ME3: variants seen among roughly 807,000 people sequenced by gnomAD.
ME3 encodes NADP-dependent malic enzyme, mitochondrial.
ME3 carries 48 observed loss-of-function variants against 68.9 expected under a neutral mutation model. The observed-to-expected ratio is 0.70, with a 90% confidence interval of 0.55 to 0.89. ME3 has a LOEUF of 0.89. ME3 is among the 40% of genes least tolerant of loss of function. The pLI, the probability that ME3 is intolerant of heterozygous loss-of-function variation, is 0.00. For synonymous variants in ME3, 320 were observed against 318.8 expected (o/e 1.00, Z -0.04); for missense variants, 675 against 797.4 (o/e 0.85, Z 1.85).
chr11:86,651,283 G>C (rs1295451097), intron 2 of ME3, among the ~76,000 whole-genome samples: 1 of 152,202 alleles, frequency 6.6e-6, no homozygotes, highest in Non-Finnish European at 1.5e-5. Flanking sequence ...TCTGAGAATG[G>C]ACAGACTGCC....
chr11:86,594,650 C>A (rs1959188736), intron 2 of ME3, among the ~76,000 whole-genome samples: 1 of 146,024 alleles, frequency 6.8e-6, no homozygotes, highest in Non-Finnish European at 1.5e-5. Context: ...GCTGTGATTG[C>A]ACCACTGACA....
chr11:86,524,411 T>C (rs1369626955), intron 4 of ME3, among the ~76,000 whole-genome samples: 2 of 152,192 alleles, frequency 1.3e-5, no homozygotes, highest in Non-Finnish European at 2.9e-5. Flanking sequence ...TAGTCACACA[T>C]TTTTTTCCAC....
chr11:86,470,918 C>A (rs1430156881), intron 7 of ME3, among the ~76,000 whole-genome samples: 1 of 152,146 alleles, frequency 6.6e-6, no homozygotes, highest in African/African-American at 2.4e-5. Context: ...CTTCCACTGC[C>A]TGTGGGGTTA....
chr11:86,565,851 T>C (rs1957453635), intron 2 of ME3, among the ~76,000 whole-genome samples: 1 of 152,204 alleles, frequency 6.6e-6, no homozygotes, highest in Non-Finnish European at 1.5e-5. Flanking sequence ...TAAGATGTCA[T>C]GGAATCTCTG....
At chr11:86,461,676 G>C (rs1401990825) in intron 8 of ME3, among the ~76,000 whole-genome samples, 1 of 152,166 alleles carries the variant, frequency 6.6e-6, no homozygotes, top group East Asian at 1.9e-4. Flanking sequence ...CTCTCTCTCT[G>C]AGGCTCTGCA....
At chr11:86,475,152 G>A (rs1950989379) in intron 7 of ME3, among the ~76,000 whole-genome samples, 1 of 152,208 alleles carries the variant, frequency 6.6e-6, no homozygotes, top group Admixed American at 6.5e-5. Flanking sequence ...AATGTTGGAG[G>A]TGGGGCCTGG....
rs184687531 is a variant in ME3 at position 86,516,100 on chromosome 11, G to A, written c.468-7233C>T. Among the ~76,000 whole-genome samples, 404 of 152,262 alleles carry A rather than the reference G, an allele frequency of 2.7e-3. 2 individuals carry two copies. Among genetic ancestry groups the A allele is most frequent in the Admixed American group, 6.5e-3 (99 of 15,294 alleles). ...GAGAACATGGGCATCTGGAATAGAA[G>A]CAGTCATGGAAATCTTGCTTTTAAT... On this transcript the variant is annotated intron_variant, in intron 4 of 14. Coordinates refer to ENST00000543262, the Ensembl canonical transcript of ME3.
chr11:86,462,741 G>T, intron 8 of ME3: 1 of 509,626 alleles, frequency 2.0e-6, no homozygotes, highest in Non-Finnish European at 3.6e-6. Flanking sequence ...TTCTGGGAAG[G>T]CAGACAATGC....
intron 8 of ME3, among the ~76,000 whole-genome samples, chr11:86,454,637 G>T (rs1055112709): frequency 4.6e-5 from 7 of 152,192 alleles, no homozygotes; most frequent in African/African-American, 1.7e-4. Flanking sequence ...ATAAGGTATG[G>T]TTTGCTGAAT....
intron 5 of ME3, among the ~76,000 whole-genome samples, chr11:86,503,615 C>G (rs1952865666): frequency 6.6e-6 from 1 of 152,228 alleles, no homozygotes. Context: ...TAATACGTCT[C>G]TGAGACTGTT....
At chr11:86,475,864 TATATATATATAG>T (rs1171438337) in intron 7 of ME3, among the ~76,000 whole-genome samples, 1 of 114,386 alleles carries the variant, frequency 8.7e-6, no homozygotes, top group African/African-American at 3.7e-5. Flanking sequence ...TATATATATA[TATATATATATAG>T]AGAGAGAGAG....
intron 2 of ME3, among the ~76,000 whole-genome samples, chr11:86,654,387 G>C (rs543833504): frequency 1.3e-5 from 2 of 152,310 alleles, no homozygotes; most frequent in African/African-American, 4.8e-5. Flanking sequence ...ACATCAAAAA[G>C]CTTATCCACC....
At chr11:86,508,797 T>C in exon 5 of ME3, 3 of 1,610,368 alleles carry the variant, frequency 1.9e-6, no homozygotes, top group Non-Finnish European at 2.5e-6. Context: ...CATACCTTAA[T>C]ATTGTCTTCT....
In ME3 at chr11:86,643,604, C is replaced by A. The variant is rs189128635; in HGVS notation, c.183+28158G>T. ...TCAAAGGCCAGCTACTTTAAGAAACCTTCTTACCCTTCTTTCTCCCCATGA... is the reference window on the plus strand; with the variant it reads ...TCAAAGGCCAGCTACTTTAAGAAACATTCTTACCCTTCTTTCTCCCCATGA... On this transcript the variant is annotated intron_variant, in intron 2 of 14. Transcript: ENST00000543262. Among the ~76,000 whole-genome samples, 528 of 152,244 alleles carry A rather than the reference C, an allele frequency of 3.5e-3. 2 individuals are homozygous for A. The highest frequency in any genetic ancestry group is 6.1e-3 in the Non-Finnish European group (413 of 68,014).
At chr11:86,533,969 A>G (rs1013639701) in intron 4 of ME3, among the ~76,000 whole-genome samples, 1 of 152,028 alleles carries the variant, frequency 6.6e-6, no homozygotes, top group Non-Finnish European at 1.5e-5. Flanking sequence ...CATGTACATC[A>G]TGTTACTGTA....
chr11:86,467,625 G>A (rs1950546935), intron 7 of ME3, among the ~76,000 whole-genome samples: 3 of 150,342 alleles, frequency 2.0e-5, no homozygotes, highest in East Asian at 2.0e-4. Flanking sequence ...TGTGATGAAC[G>A]TTTTCTGTCT....
chr11:86,671,970 G>C lies in ME3; in HGVS notation c.-14-12C>G. The stretch of plus-strand genomic sequence containing the variant: ...GGTCCTTGGCAGACCTGGCACGGGA[G>C]AGAAAGCAAGGTCAGGGCCTCCTTC... On this transcript the variant is annotated splice_polypyrimidine_tract_variant and intron_variant, in intron 1 of 14. Transcript: ENST00000543262. 1 of 1,386,314 alleles carries C rather than the reference G, an allele frequency of 7.2e-7. No homozygotes were observed. 85.9% of individuals were successfully genotyped at this position (1,386,314 alleles called of 1,614,324 possible). A position where few individuals can be genotyped will look rare whatever the true frequency, so the allele number is the denominator to read the frequency against.
At chr11:86,660,938 A>C (rs931815247) in intron 2 of ME3, among the ~76,000 whole-genome samples, 1 of 152,210 alleles carries the variant, frequency 6.6e-6, no homozygotes, top group African/African-American at 2.4e-5. Flanking sequence ...AAAGAGGGTC[A>C]GGTCAAGATT....
At chr11:86,671,725 A>G in intron 2 of ME3, 37 bp downstream of exon 2, 1 of 1,590,638 alleles carries the variant, frequency 6.3e-7, no homozygotes, top group Non-Finnish European at 8.5e-7. Context: ...CAGCCACGGG[A>G]TCGCAACGCG....
Sources: allele counts gnomAD v4.1 joint callset (sites outside exome capture counted in the v4.1 genomes callset), GRCh38; gene constraint gnomAD v4.1.1; transcripts MANE v1.5; gene names NCBI Gene and HGNC (gene_info 2026-07-23, HGNC 2026-07-21).